NTRK3: variants seen among roughly 807,000 people sequenced by gnomAD.
NTRK3 encodes the protein NT-3 growth factor receptor.
In NTRK3, 24 loss-of-function variants were observed where a neutral mutation model predicts 91.7. That is an observed-to-expected ratio of 0.26 (90% CI 0.19 to 0.37). The LOEUF is 0.37. NTRK3 is among the 10% of genes least tolerant of loss of function. The pLI is 1.00. For synonymous variants in NTRK3, 483 were observed against 404.0 expected (o/e 1.20, Z -2.34); for missense variants, 880 against 1,068.9 (o/e 0.82, Z 2.46).
intron 13 of NTRK3, among the ~76,000 whole-genome samples, chr15:88,034,770 A>G (rs556975360): frequency 1.3e-5 from 2 of 152,372 alleles, no homozygotes; most frequent in Middle Eastern, 6.8e-3. Flanking sequence ...GCTTATTCCA[A>G]TCCATGACAA....
At chr15:88,056,330 TTAATAA>T (rs1200721329) in intron 13 of NTRK3, among the ~76,000 whole-genome samples, 1 of 151,810 alleles carries the variant, frequency 6.6e-6, no homozygotes, top group Non-Finnish European at 1.5e-5. Context: ...GCTTTAAATA[TTAATAA>T]TAAGAAAATT....
At position 87,996,245 on chromosome 15, in the gene NTRK3, A is replaced by AAAAATAAAATAAAAT. The variant is rs539386167; in HGVS notation, c.1585+36597_1585+36611dup. On this transcript the variant is annotated intron_variant, in intron 14 of 18. Transcript: ENST00000394480. ...GGCGACAGAGAGAGACTCCGTCTCT[A>AAAAATAAAATAAAAT]AAAATAAAATAAAATAAAATAAAAT... is the stretch of plus-strand genomic sequence containing the variant. Among the ~76,000 whole-genome samples, 29 of 152,264 alleles carry AAAAATAAAATAAAAT rather than the reference A, an allele frequency of 1.9e-4. No homozygotes were observed. In the East Asian group the frequency reaches 5.4e-3, roughly 28 times the overall value.
chr15:87,940,933 T>C (rs1037807151), intron 14 of NTRK3, among the ~76,000 whole-genome samples, 180 bp from the exon 15 acceptor site: 2 of 152,156 alleles, frequency 1.3e-5, no homozygotes, highest in Non-Finnish European at 2.9e-5. Context: ...TTTGAGAGTA[T>C]GGGCCAGAAT....
At chr15:88,065,057 G>A (rs1489730554) in intron 13 of NTRK3, among the ~76,000 whole-genome samples, 9 of 152,260 alleles carry the variant, frequency 5.9e-5, no homozygotes, top group African/African-American at 1.9e-4. Context: ...ACTATGTGAC[G>A]ATAACTAACC....
chr15:87,949,757 C>T (rs1387747586), intron 14 of NTRK3, among the ~76,000 whole-genome samples: 1 of 152,154 alleles, frequency 6.6e-6, no homozygotes, highest in Non-Finnish European at 1.5e-5. Context: ...ATTCTGTTGG[C>T]CTTTCCCGTG....
chr15:88,093,729 G>A (rs1333431757), intron 13 of NTRK3, among the ~76,000 whole-genome samples: 7 of 152,148 alleles, frequency 4.6e-5, no homozygotes, highest in Non-Finnish European at 1.0e-4. Flanking sequence ...CCAGAAGACA[G>A]GGTTCTTTCT....
chr15:88,005,361 G>A (rs1596643878), intron 14 of NTRK3, among the ~76,000 whole-genome samples: 1 of 152,314 alleles, frequency 6.6e-6, no homozygotes, highest in East Asian at 1.9e-4. Context: ...TAAGACAAGA[G>A]TCTTGTGGGG....
At chr15:88,192,352 A>G (rs570034899) in intron 3 of NTRK3, among the ~76,000 whole-genome samples, 112 of 152,058 alleles carry the variant, frequency 7.4e-4, no homozygotes, top group Non-Finnish European at 1.3e-3. Flanking sequence ...GTGGCCTCCT[A>G]TCCTACCCCT....
intron 10 of NTRK3, among the ~76,000 whole-genome samples, chr15:88,132,349 C>G (rs1027169205): frequency 2.0e-5 from 3 of 152,224 alleles, no homozygotes; most frequent in African/African-American, 7.2e-5. Flanking sequence ...TCCTTTAAGT[C>G]TCATGGTAGC....
intron 17 of NTRK3, among the ~76,000 whole-genome samples, chr15:87,881,330 A>G (rs1052191001): frequency 6.6e-6 from 1 of 152,246 alleles, no homozygotes; most frequent in African/African-American, 2.4e-5. Context: ...TGTTAAAAAA[A>G]CTACTTAATA....
At chr15:88,038,802 A>G (rs2079312612) in intron 13 of NTRK3, among the ~76,000 whole-genome samples, 1 of 151,784 alleles carries the variant, frequency 6.6e-6, no homozygotes. Flanking sequence ...GTGGTGACGG[A>G]GCTGTGCCAG....
chr15:88,015,397 C>A (rs772452567), intron 14 of NTRK3, among the ~76,000 whole-genome samples: 2 of 152,136 alleles, frequency 1.3e-5, no homozygotes, highest in African/African-American at 4.8e-5. Flanking sequence ...CTGCCCCCAC[C>A]AAACCCTGCC....
intron 13 of NTRK3, chr15:88,072,513 CGTT>C (rs2047182078): frequency 4.3e-6 from 1 of 231,924 alleles, no homozygotes; most frequent in South Asian, 1.8e-4. Flanking sequence ...TTCTTCTTTC[CGTT>C]GTTGTTTTTC....
chr15:88,109,366 C>A (rs187129909), intron 13 of NTRK3, among the ~76,000 whole-genome samples: 1 of 152,206 alleles, frequency 6.6e-6, no homozygotes, highest in African/African-American at 2.4e-5. Context: ...AACCTCGAAT[C>A]GTGGTCCTTC....
At chr15:87,962,199 C>T (rs1365268785) in intron 14 of NTRK3, among the ~76,000 whole-genome samples, 8 of 152,220 alleles carry the variant, frequency 5.3e-5, no homozygotes, top group Non-Finnish European at 1.0e-4. Flanking sequence ...CTAATATCAT[C>T]ACTTTATGCT....
chr15:87,988,056 G>A (rs1417292422), intron 14 of NTRK3, among the ~76,000 whole-genome samples: 1 of 152,168 alleles, frequency 6.6e-6, no homozygotes, highest in South Asian at 2.1e-4. Flanking sequence ...TATACGGAAA[G>A]AGGGAGAATG....
chr15:88,067,215 A>T (rs1305053708), intron 13 of NTRK3, among the ~76,000 whole-genome samples: 3 of 152,172 alleles, frequency 2.0e-5, no homozygotes, highest in Non-Finnish European at 2.9e-5. Flanking sequence ...AGAGTTGTAC[A>T]GACTCCCACA....
intron 13 of NTRK3, among the ~76,000 whole-genome samples, chr15:88,051,120 G>T (rs1372934526): frequency 6.6e-6 from 1 of 152,078 alleles, no homozygotes; most frequent in Non-Finnish European, 1.5e-5. Flanking sequence ...TTGAGTAAAA[G>T]TACACGTCTG....
rs2077156731 is a variant in NTRK3, at chr15:88,015,360, TCC to T, written c.1585+17495_1585+17496del. Among the ~76,000 whole-genome samples, 3 of 151,314 alleles carry T rather than the reference TCC, an allele frequency of 2.0e-5. No individual in the cohort carries two copies. The East Asian group carries it at 5.8e-4, about 29-fold the overall frequency. ...CTGCTCCCTCCACCCCGGGAGGGAGTCCTTCTCTGGTCACTCACCTCCAGCCC... is the reference window on the plus strand; with the variant it reads ...CTGCTCCCTCCACCCCGGGAGGGAGTTTCTCTGGTCACTCACCTCCAGCCC... On this transcript the variant is annotated intron_variant, in intron 14 of 18. Coordinates refer to ENST00000394480, the Ensembl canonical transcript of NTRK3.
Sources: allele counts gnomAD v4.1 joint callset (sites outside exome capture counted in the v4.1 genomes callset), GRCh38; gene constraint gnomAD v4.1.1; transcripts MANE v1.5; gene names NCBI Gene and HGNC (gene_info 2026-07-23, HGNC 2026-07-21).